DCC: variants seen among roughly 807,000 people sequenced by gnomAD.
DCC encodes DCC netrin 1 receptor.
In DCC, 58 loss-of-function variants were observed where a neutral mutation model predicts 172.5. The ratio of observed to expected loss-of-function variants is 0.34; its 90% CI spans 0.27 to 0.42. The LOEUF (loss-of-function observed/expected upper bound fraction) is 0.42. Among genes scored for constraint, DCC ranks in the 10% least tolerant of loss-of-function variants. The pLI is 1.00. For synonymous variants in DCC, 709 were observed against 644.5 expected, an observed-to-expected ratio of 1.10 and a Z score of -1.52; for missense variants, 1,740 against 1,791.0, an observed-to-expected ratio of 0.97 and a Z score of 0.51.
At chr18:52,640,188 T>C (rs566643514) in intron 1 of DCC, among the ~76,000 whole-genome samples, 16 of 152,232 alleles carry the variant, frequency 1.1e-4, no homozygotes, top group Non-Finnish European at 7.4e-5. Context: ...CTCAGCAAAA[T>C]TGGCATACAA....
intron 1 of DCC, among the ~76,000 whole-genome samples, chr18:52,452,085 T>G (rs2144518723): frequency 6.6e-6 from 1 of 152,326 alleles, no homozygotes; most frequent in South Asian, 2.1e-4. Context: ...GTGGCTTTGG[T>G]TATCTGGCCT....
chr18:52,722,728 G>T lies in DCC; in HGVS notation c.92-29326G>T, dbSNP rs1599048305. On this transcript the variant is annotated intron_variant, in intron 1 of 28. Coordinates refer to ENST00000442544, the MANE Select transcript of DCC (RefSeq NM_005215.4). ...GACCTGCCCTCACCTGGATGGGTTG[G>T]CTGCTACACACTGAGCAGTGCAGTC... 2.0e-5 allele frequency among the ~76,000 whole-genome samples: 3 copies of T among 152,202 alleles called. No homozygotes were observed. The East Asian group carries it at 5.8e-4, about 30-fold the overall frequency.
chr18:52,977,497 C>A (rs772962366), intron 5 of DCC, among the ~76,000 whole-genome samples: 2 of 151,938 alleles, frequency 1.3e-5, no homozygotes, highest in Non-Finnish European at 2.9e-5. Context: ...GGTTTTCTGC[C>A]CAGATGTAAA....
chr18:53,203,634 G>A (rs892319615), intron 9 of DCC, among the ~76,000 whole-genome samples: 4 of 151,884 alleles, frequency 2.6e-5, no homozygotes, highest in South Asian at 2.1e-4. Flanking sequence ...TAGGTTCCAC[G>A]CTGATCTAAG....
chr18:52,461,212 C>A (rs972512625), intron 1 of DCC, among the ~76,000 whole-genome samples: 2 of 152,218 alleles, frequency 1.3e-5, no homozygotes, highest in South Asian at 4.1e-4. Flanking sequence ...GCTAGGCCTA[C>A]GCAGGGTCAG....
chr18:53,358,530 C>CTCT lies in DCC; in HGVS notation c.2359+18624_2359+18625insCTT, dbSNP rs74180418. Among the ~76,000 whole-genome samples the CTCT allele has an allele frequency of 3.1e-3, 296 of 95,956 alleles. 2 individuals are homozygous for CTCT. The highest frequency in any genetic ancestry group is 4.4e-3 in the Non-Finnish European group (231 of 52,892). 63.0% of individuals were successfully genotyped at this position (95,956 alleles called of 152,430 possible). A position where few individuals can be genotyped will look rare whatever the true frequency, so the allele number is the denominator to read the frequency against. On this transcript the variant is annotated intron_variant, in intron 15 of 28. Coordinates refer to ENST00000442544, the MANE Select transcript of DCC (RefSeq NM_005215.4). Reference sequence around the variant, plus strand: ...GAAATGTAAGACATATTCTCTCTCTCTTTTTTTTTTTTTTTTTTTTTTGCG... The same window carrying CTCT: ...GAAATGTAAGACATATTCTCTCTCTCTCTTTTTTTTTTTTTTTTTTTTTTTGCG...
At chr18:53,045,770 G>T (rs2042230173) in intron 5 of DCC, among the ~76,000 whole-genome samples, 1 of 151,852 alleles carries the variant, frequency 6.6e-6, no homozygotes. Context: ...AAAGTTCGAT[G>T]AGAGTTCTTC....
Position 52,975,307 on chromosome 18 carries a change from GTTTC to G in DCC, c.985+49945_985+49948del, listed in dbSNP as rs536346635. 4.6e-5 allele frequency among the ~76,000 whole-genome samples: 7 copies of G among 152,256 alleles called. No homozygotes were observed. The South Asian group carries it at 1.0e-3, about 23-fold the overall frequency. On this transcript the variant is annotated intron_variant, in intron 5 of 28. Transcript: ENST00000442544. ...CAGGGAAGAGAGAGAGAGCTCTGGT[GTTTC>G]TTTCTTTTCTTATAAGGATACAGTC...
At chr18:52,987,624 A>C (rs1206420446) in intron 5 of DCC, among the ~76,000 whole-genome samples, 1 of 152,180 alleles carries the variant, frequency 6.6e-6, no homozygotes, top group East Asian at 1.9e-4. Context: ...TATCTGAGGA[A>C]ATGGGCAGGG....
intron 5 of DCC, among the ~76,000 whole-genome samples, chr18:53,042,320 T>C (rs1026326299): frequency 3.3e-5 from 5 of 152,082 alleles, no homozygotes; most frequent in African/African-American, 9.7e-5. Context: ...TTGATTTGCA[T>C]ATGTTGAACC....
rs560686315 is a variant in DCC at position 52,369,361 on chromosome 18, A to G, written c.91+28483A>G. ...ATTTCTCCCCACCTCAGGTCCTTCA[A>G]TAGTGGGAATAATTTTTACAAACAC... is the stretch of plus-strand genomic sequence containing the variant. On this transcript the variant is annotated intron_variant, in intron 1 of 28. Coordinates refer to ENST00000442544, the MANE Select transcript of DCC (RefSeq NM_005215.4). Among the ~76,000 whole-genome samples, 259 of 152,152 alleles carry G rather than the reference A, an allele frequency of 1.7e-3. 1 individual carries two copies. The highest frequency in any genetic ancestry group is 3.4e-3 in the Middle Eastern group (1 of 294).
intron 1 of DCC, among the ~76,000 whole-genome samples, chr18:52,736,894 GA>G (rs2036738955): frequency 6.6e-6 from 1 of 152,062 alleles, no homozygotes; most frequent in Admixed American, 6.6e-5. Flanking sequence ...AATTATGGGG[GA>G]ACCCACATTT....
At chr18:52,593,442 T>C (rs1185176171) in intron 1 of DCC, among the ~76,000 whole-genome samples, 1 of 152,168 alleles carries the variant, frequency 6.6e-6, no homozygotes, top group Admixed American at 6.5e-5. Flanking sequence ...TCTTTTAAAA[T>C]GGAAATGGGA....
At chr18:53,195,494 C>T (rs2055429866) in intron 9 of DCC, among the ~76,000 whole-genome samples, 1 of 152,054 alleles carries the variant, frequency 6.6e-6, no homozygotes, top group South Asian at 2.1e-4. Context: ...ATGTGGTTTC[C>T]TCAATACGAG....
chr18:52,469,136 C>A lies in DCC; in HGVS notation c.91+128258C>A, dbSNP rs1988874401. Among the ~76,000 whole-genome samples, 3 of 152,128 alleles carry A rather than the reference C, an allele frequency of 2.0e-5. No homozygotes were observed. The South Asian group carries it at 6.2e-4, about 31-fold the overall frequency. On this transcript the variant is annotated intron_variant, in intron 1 of 28. Coordinates refer to ENST00000442544, the MANE Select transcript of DCC (RefSeq NM_005215.4). ...GCAGTGGCGCGATCTCAGCTCACTG[C>A]AAACTCTGCCTCCTGGGTTCAAGCA...
intron 26 of DCC, among the ~76,000 whole-genome samples, chr18:53,488,701 A>G (rs1299896936): frequency 6.6e-6 from 1 of 152,198 alleles, no homozygotes. Flanking sequence ...TGACTAGTAT[A>G]AAATTTGTTT....
At chr18:53,482,768 CACTTTAATG>C (rs1409670544) in intron 25 of DCC, among the ~76,000 whole-genome samples, 10 of 151,830 alleles carry the variant, frequency 6.6e-5, no homozygotes, top group Non-Finnish European at 1.3e-4. Flanking sequence ...TCTAGCAATC[CACTTTAATG>C]ACTGCAGTGA....
intron 2 of DCC, among the ~76,000 whole-genome samples, chr18:52,881,268 T>C (rs926505897): frequency 1.3e-5 from 2 of 152,102 alleles, no homozygotes; most frequent in African/African-American, 4.8e-5. Context: ...CCTTGTCAGA[T>C]GGGTAGTTTG....
intron 1 of DCC, among the ~76,000 whole-genome samples, chr18:52,478,494 C>A (rs990963964): frequency 2.0e-5 from 3 of 152,150 alleles, no homozygotes; most frequent in Admixed American, 1.3e-4. Flanking sequence ...TGCAAAGGCA[C>A]TGTATTAGGC....
Sources: allele counts gnomAD v4.1 joint callset (sites outside exome capture counted in the v4.1 genomes callset), GRCh38; gene constraint gnomAD v4.1.1; transcripts MANE v1.5; gene names NCBI Gene and HGNC (gene_info 2026-07-23, HGNC 2026-07-21).